Variants in PYGB observed in about 807,000 individuals in gnomAD.
PYGB encodes the protein glycogen phosphorylase B, also known as glycogen phosphorylase, brain form.
Under a neutral mutation model 94.3 loss-of-function variants are expected in PYGB, and 82 were observed. The observed-to-expected ratio is 0.87, with a 90% CI of 0.73 to 1.04. PYGB has a LOEUF of 1.04. PYGB is among the 50% of genes least tolerant of loss of function. The pLI is 0.00. For missense variants in PYGB, 1,132 were observed against 1,158.2 expected, an observed-to-expected ratio of 0.98 and a Z score of 0.33; for synonymous variants, 488 against 479.1, an observed-to-expected ratio of 1.02 and a Z score of -0.24.
At chr20:25,280,073 G>C (rs1307697032) in intron 9 of PYGB, among the ~76,000 whole-genome samples, 193 bp from the exon 10 acceptor site, 1 of 152,264 alleles carries the variant, frequency 6.6e-6, no homozygotes, top group East Asian at 1.9e-4. Context: ...TGCGTCAGCA[G>C]AGTGAGGGCT....
chr20:25,284,353 G>C, intron 14 of PYGB, 102 bp downstream of exon 14: 6 of 1,460,060 alleles, frequency 4.1e-6, no homozygotes, highest in East Asian at 2.3e-5. Flanking sequence ...GGTGGGGGCT[G>C]TGTGTGTATA....
intron 2 of PYGB, among the ~76,000 whole-genome samples, chr20:25,261,362 G>T (rs901416362): frequency 6.6e-6 from 1 of 152,190 alleles, no homozygotes; most frequent in Non-Finnish European, 1.5e-5. Context: ...TGATACCCAG[G>T]CAAACAGGGT....
Position 25,284,225 on chromosome 20 carries a change from G to A in PYGB, c.1742G>A (p.Cys581Tyr). The change falls in exon 14 of 20, where the codon TGC (cysteine) becomes TAC (tyrosine). Residue 581 changes from cysteine (C) to tyrosine (Y), a missense_variant. Coordinates refer to ENST00000216962, the MANE Select transcript of PYGB (RefSeq NM_002862.4). ...IHEYKRQLLN[C>Y]LHVVTLYNRI... is the part of the protein sequence containing the mutation. ...GAGTACAAGCGGCAGCTGCTCAACT[G>A]CCTGCACGTCGTCACCCTGTACAAT... is the stretch of plus-strand genomic sequence containing the variant. 1.2e-6 allele frequency: 2 copies of A among 1,614,038 alleles called. No homozygotes were observed. Among genetic ancestry groups the A allele is most frequent in the South Asian group, 1.1e-5 (1 of 91,070 alleles).
At chr20:25,267,193 A>T (rs1248922588) in intron 2 of PYGB, among the ~76,000 whole-genome samples, 1 of 152,258 alleles carries the variant, frequency 6.6e-6, no homozygotes, top group Non-Finnish European at 1.5e-5. Context: ...CACAACATGG[A>T]TGAAGCTTGA....
In PYGB at chr20:25,295,589, T is replaced by C. The variant is rs1222481506; in HGVS notation, c.2313-15T>C. ...TCCCTGCTGCCCTGGCCCAGCCTCCTTTCTCCCATTCCAGGTTCAAGGTGT... is the reference window on the plus strand; with the variant it reads ...TCCCTGCTGCCCTGGCCCAGCCTCCCTTCTCCCATTCCAGGTTCAAGGTGT... On this transcript the variant is annotated splice_polypyrimidine_tract_variant and intron_variant, in intron 18 of 19. Coordinates refer to ENST00000216962, the MANE Select transcript of PYGB (RefSeq NM_002862.4). 6.2e-6 allele frequency: 10 copies of C among 1,612,754 alleles called. No individual in the cohort carries two copies. Among genetic ancestry groups the C allele is most frequent in the Non-Finnish European group, 8.5e-6 (10 of 1,179,078 alleles).
intron 9 of PYGB, among the ~76,000 whole-genome samples, chr20:25,279,618 G>A (rs544253259): frequency 2.0e-4 from 31 of 152,124 alleles, no homozygotes; most frequent in African/African-American, 7.5e-4. Context: ...CTAGTGCTTC[G>A]GGAAGCCAAG....
At chr20:25,266,728 C>T (rs2088221376) in intron 2 of PYGB, among the ~76,000 whole-genome samples, 1 of 152,056 alleles carries the variant, frequency 6.6e-6, no homozygotes, top group Admixed American at 6.6e-5. Context: ...GATGTTTCTC[C>T]AAAGATGATA....
intron 16 of PYGB, among the ~76,000 whole-genome samples, chr20:25,291,911 AGAAAGCGCAGG>A (rs68094919): frequency 0.16 from 23,790 of 152,048 alleles, 2,151 homozygotes; most frequent in East Asian, 0.34. Flanking sequence ...ACAGGCACAG[AGAAAGCGCAGG>A]GCCGTGGCAT....
rs780377357 is a variant in PYGB at position 25,288,302 on chromosome 20, C to T, written c.1769-123C>T. ...GCCACTGTCACCCGTGTCTCTGGGG[C>T]TTGAAGTACATGGCGGAGCGTGCCT... On this transcript the variant is annotated intron_variant, in intron 14 of 19. Transcript: ENST00000216962. 2.2e-5 allele frequency: 24 copies of T among 1,105,766 alleles called. No individual in the cohort carries two copies. The Admixed American group carries it at 3.6e-4, about 17-fold the overall frequency. The allele number at this position is 1,105,766 out of a possible 1,614,324, so 68.5% of individuals were successfully genotyped here.
At chr20:25,295,143 TTCAGCACATCAGGAAC>T in intron 18 of PYGB, 1 of 1,129,786 alleles carries the variant, frequency 8.9e-7, no homozygotes, top group East Asian at 2.4e-5. Flanking sequence ...GGCATTTTTG[TTCAGCACATCAGGAAC>T]TGCAAGTCAG....
At chr20:25,276,196 G>T (rs1014680193) in intron 5 of PYGB, among the ~76,000 whole-genome samples, 1 of 152,146 alleles carries the variant, frequency 6.6e-6, no homozygotes, top group African/African-American at 2.4e-5. Context: ...CAACCTTCCC[G>T]CAGGTGGAGC....
At chr20:25,282,576 CT>C (rs1222337850) in intron 12 of PYGB, among the ~76,000 whole-genome samples, 1 of 152,254 alleles carries the variant, frequency 6.6e-6, no homozygotes, top group Non-Finnish European at 1.5e-5. Context: ...GACCGCCCAC[CT>C]GGGGCTATGG....
At chr20:25,279,722 C>T (rs1042915478) in intron 9 of PYGB, among the ~76,000 whole-genome samples, 10 of 152,100 alleles carry the variant, frequency 6.6e-5, no homozygotes, top group African/African-American at 2.4e-4. Flanking sequence ...TGGCAGCACA[C>T]ACCCAGAAAA....
intron 12 of PYGB, among the ~76,000 whole-genome samples, chr20:25,282,836 G>A (rs1444060703): frequency 6.6e-6 from 1 of 152,206 alleles, no homozygotes; most frequent in East Asian, 1.9e-4. Context: ...CAGGGAAGGT[G>A]CTGGTGGAGG....
At chr20:25,261,969 A>G (rs1446380073) in intron 2 of PYGB, among the ~76,000 whole-genome samples, 2 of 152,188 alleles carry the variant, frequency 1.3e-5, no homozygotes, top group African/African-American at 4.8e-5. Context: ...TCCAAGAAAT[A>G]TGGGACTATG....
Position 25,281,089 on chromosome 20 carries a change from C to T in PYGB, c.1380C>T (p.His460=), listed in dbSNP as rs1456777891. 6.2e-7 allele frequency: 1 copy of T among 1,614,082 alleles called. No homozygotes were observed. Among genetic ancestry groups the T allele is most frequent in the Non-Finnish European group, 8.5e-7 (1 of 1,180,038 alleles). ...SHAVNGVARI[H]SEIVKQSVFK... is the part of the protein sequence containing the mutation. Reference sequence around the variant, plus strand: ...CTGTCAATGGTGTGGCGAGGATCCACTCGGAGATCGTGAAACAGTCGGTGT... The same window carrying T: ...CTGTCAATGGTGTGGCGAGGATCCATTCGGAGATCGTGAAACAGTCGGTGT... Residue 460 remains histidine (H), a synonymous_variant, in exon 11 of 20, where the codon CAC becomes CAT. Coordinates refer to ENST00000216962, the MANE Select transcript of PYGB (RefSeq NM_002862.4).
At chr20:25,291,472 G>A (rs548940996) in intron 16 of PYGB, among the ~76,000 whole-genome samples, 1 of 152,326 alleles carries the variant, frequency 6.6e-6, no homozygotes, top group Non-Finnish European at 1.5e-5. Flanking sequence ...GCTCCGTGGT[G>A]CAGGGGGGGA....
rs115567484 is a variant in PYGB at position 25,292,389 on chromosome 20, C to T, written c.1970-17C>T. ...GGGGTCCTCACAGTGATCCCCTCCACGGGCTCCCCTCCACAGTGATCCCGG... is the reference window on the plus strand; with the variant it reads ...GGGGTCCTCACAGTGATCCCCTCCATGGGCTCCCCTCCACAGTGATCCCGG... On this transcript the variant is annotated splice_polypyrimidine_tract_variant and intron_variant, in intron 16 of 19. Transcript: ENST00000216962. 3,337 of 1,610,022 alleles carry T rather than the reference C, an allele frequency of 2.1e-3. 36 individuals are homozygous for T. In the African/African-American group the frequency reaches 0.029, roughly 14 times the overall value.
intron 15 of PYGB, among the ~76,000 whole-genome samples, chr20:25,289,590 G>A (rs926636500): frequency 2.6e-5 from 4 of 152,010 alleles, no homozygotes; most frequent in Non-Finnish European, 4.4e-5. Flanking sequence ...GCTATAGTGA[G>A]CTGTGATTGC....
Sources: allele counts gnomAD v4.1 joint callset (sites outside exome capture counted in the v4.1 genomes callset), GRCh38; gene constraint gnomAD v4.1.1; transcripts MANE v1.5; gene names NCBI Gene and HGNC (gene_info 2026-07-23, HGNC 2026-07-21).